DNAJB6: variants seen among roughly 807,000 people sequenced by gnomAD.
DNAJB6 encodes dnaJ homolog subfamily B member 6.
Under a neutral mutation model 42.7 loss-of-function variants are expected in DNAJB6, and 16 were observed. The observed-to-expected ratio is 0.37, with a 90% confidence interval of 0.25 to 0.57. DNAJB6 has a LOEUF of 0.57. Among genes scored for constraint, DNAJB6 ranks in the 20% least tolerant of loss-of-function variants. The pLI, the probability that DNAJB6 is intolerant of heterozygous loss-of-function variation, is 0.74. For synonymous variants in DNAJB6, 170 were observed against 163.5 expected (o/e 1.04, Z -0.30); for missense variants, 347 against 416.8 (o/e 0.83, Z 1.46).
In DNAJB6 at chr7:157,409,777, C is replaced by G; in HGVS notation, c.692-18C>G. On this transcript the variant is annotated intron_variant, in intron 8 of 9. Coordinates refer to ENST00000262177, the MANE Select transcript of DNAJB6 (RefSeq NM_058246.4). ...CCGCCGCTCACTCACGGCTCTCTCT[C>G]TCCCGCTGTGCCTGCAGGTGTGGCC... 1 of 1,515,968 alleles carries G rather than the reference C, an allele frequency of 6.6e-7. No homozygotes were observed. The highest frequency in any genetic ancestry group is 1.4e-5 in the African/African-American group (1 of 72,214). The allele number at this position is 1,515,968 out of a possible 1,614,324, so 93.9% of individuals were successfully genotyped here.
In DNAJB6 at chr7:157,382,320, T is replaced by G; in HGVS notation, c.421T>G (p.Phe141Val). Residue 141 changes from phenylalanine (F) to valine (V), a missense_variant, in exon 6 of 10, where the codon TTC becomes GTC. Physicochemically the swap from Phe to Val is conservative, Grantham distance 50. Coordinates refer to ENST00000262177, the MANE Select transcript of DNAJB6 (RefSeq NM_058246.4). ...GSRSRGTGSF[F>V]SAFSGFPSFG... is the part of the protein sequence containing the mutation. ...CAGAAGCCGAGGGACGGGGTCGTTT[T>G]TCTCTGCGTTCAGTGGATTTCCGTC... The G allele has an allele frequency of 6.2e-7, 1 of 1,612,250 alleles. No homozygotes were observed. Among genetic ancestry groups the G allele is most frequent in the Non-Finnish European group, 8.5e-7 (1 of 1,179,862 alleles).
intron 2 of DNAJB6, among the ~76,000 whole-genome samples, chr7:157,359,011 G>A (rs3802097): frequency 0.55 from 84,029 of 151,996 alleles, 23,550 homozygotes; most frequent in East Asian, 0.76. Context: ...GTTGGGCTCC[G>A]GCCTATGCCA....
intron 2 of DNAJB6, among the ~76,000 whole-genome samples, chr7:157,360,252 A>G (rs1407703252): frequency 6.6e-6 from 1 of 152,182 alleles, no homozygotes; most frequent in Non-Finnish European, 1.5e-5. Flanking sequence ...AATGAGGAAG[A>G]AGCAAAAGCG....
intron 8 of DNAJB6, among the ~76,000 whole-genome samples, chr7:157,394,229 C>A (rs1163848977): frequency 6.6e-6 from 1 of 152,100 alleles, no homozygotes; most frequent in African/African-American, 2.4e-5. Context: ...TATTTTCATT[C>A]AAAAATAACC....
At position 157,409,869 on chromosome 7, in the gene DNAJB6, G is replaced by C; in HGVS notation, c.766G>C (p.Gly256Arg). The C allele has an allele frequency of 1.3e-6, 2 of 1,533,324 alleles. No homozygotes were observed. The highest frequency in any genetic ancestry group is 1.7e-6 in the Non-Finnish European group (2 of 1,145,646). 95.0% of individuals were successfully genotyped at this position (1,533,324 alleles called of 1,614,324 possible). A position where few individuals can be genotyped will look rare whatever the true frequency, so the allele number is the denominator to read the frequency against. Residue 256 changes from glycine (G) to arginine (R), a missense_variant, in exon 9 of 10, where the codon GGC becomes CGC. Transcript: ENST00000262177. ...GAACGCCCTGCCAGCCCAGCCTGCC[G>C]GCCTCCGCCCGCCGAAGCCGCCCCG... ...GQNALPAQPA[G>R]LRPPKPPRPA...
intron 8 of DNAJB6, among the ~76,000 whole-genome samples, chr7:157,387,367 A>T (rs544220051): frequency 1.3e-5 from 2 of 152,194 alleles, no homozygotes; most frequent in Non-Finnish European, 2.9e-5. Flanking sequence ...CGTGCGGGAA[A>T]GCGGGACAGC....
intron 5 of DNAJB6, 23 bp from the exon 6 acceptor site, chr7:157,382,221 AGT>A: frequency 1.3e-6 from 2 of 1,561,916 alleles, no homozygotes; most frequent in Non-Finnish European, 1.7e-6. Context: ...AAGACTTCAT[AGT>A]GTGTGTTTAT....
chr7:157,403,162 A>G lies in DNAJB6; in HGVS notation c.692-6633A>G, dbSNP rs1478250921. The stretch of plus-strand genomic sequence containing the variant: ...ATAGGTGGATAAGACGAATCATTGC[A>G]TTCTATGAGTCTCTGATCAGCCTTT... On this transcript the variant is annotated intron_variant, in intron 8 of 9. Transcript: ENST00000262177. Among the ~76,000 whole-genome samples the G allele has an allele frequency of 3.9e-5, 6 of 152,316 alleles. No individual in the cohort carries two copies. The East Asian group carries it at 5.8e-4, about 15-fold the overall frequency.
chr7:157,353,862 CTG>C (rs993681367), intron 1 of DNAJB6, among the ~76,000 whole-genome samples: 1 of 151,978 alleles, frequency 6.6e-6, no homozygotes, highest in African/African-American at 2.4e-5. Flanking sequence ...AGAGTTCTCA[CTG>C]TGTTTCCCAG....
At chr7:157,370,019 G>A (rs375471143) in intron 5 of DNAJB6, among the ~76,000 whole-genome samples, 3 of 144,566 alleles carry the variant, frequency 2.1e-5, no homozygotes, top group East Asian at 2.0e-4. Flanking sequence ...TTATTAAAGA[G>A]GCCCTTTCTT....
intron 8 of DNAJB6, among the ~76,000 whole-genome samples, chr7:157,404,221 A>C (rs981736889): frequency 6.6e-6 from 1 of 150,876 alleles, no homozygotes; most frequent in African/African-American, 2.4e-5. Flanking sequence ...TTTAGCCTCC[A>C]CTTTAGCCTC....
chr7:157,358,491 C>A, intron 1 of DNAJB6, 56 bp from the exon 2 acceptor site: 2 of 1,159,838 alleles, frequency 1.7e-6, no homozygotes, highest in Non-Finnish European at 2.6e-6. Flanking sequence ...CATCCCACCA[C>A]CGTGATTTGC....
chr7:157,398,291 T>G (rs1454312861), intron 8 of DNAJB6, among the ~76,000 whole-genome samples: 1 of 152,226 alleles, frequency 6.6e-6, no homozygotes, highest in African/African-American at 2.4e-5. Flanking sequence ...GGGCCAGGCA[T>G]GCATTTTTGG....
intron 5 of DNAJB6, among the ~76,000 whole-genome samples, chr7:157,374,471 T>G (rs1031012489): frequency 1.3e-5 from 2 of 151,964 alleles, no homozygotes; most frequent in Non-Finnish European, 2.9e-5. Context: ...GTTGGTCAGG[T>G]TGGTCTCGAA....
intron 8 of DNAJB6, among the ~76,000 whole-genome samples, chr7:157,401,342 A>T (rs1382606854): frequency 6.6e-6 from 1 of 151,926 alleles, no homozygotes; most frequent in African/African-American, 2.4e-5. Flanking sequence ...CAGCCTCCCG[A>T]GTAGCTGGGA....
At chr7:157,407,472 A>G (rs965829362) in intron 8 of DNAJB6, among the ~76,000 whole-genome samples, 1 of 152,212 alleles carries the variant, frequency 6.6e-6, no homozygotes, top group African/African-American at 2.4e-5. Context: ...CTTAAAAGTC[A>G]TGGCGGAGTA....
At chr7:157,388,627 TC>T (rs373023361) in intron 8 of DNAJB6, among the ~76,000 whole-genome samples, 136 of 145,480 alleles carry the variant, frequency 9.3e-4, no homozygotes, top group African/African-American at 3.2e-3. Flanking sequence ...TAAAAATACT[TC>T]AATAGCTTTT....
At chr7:157,386,092 T>C (rs1050152529) in intron 8 of DNAJB6, 125 of 980,942 alleles carry the variant, frequency 1.3e-4, no homozygotes, top group South Asian at 3.8e-4. Flanking sequence ...GTGAAAGATA[T>C]TAATACATTA....
intron 1 of DNAJB6, among the ~76,000 whole-genome samples, chr7:157,355,327 A>AT (rs1352175958): frequency 6.6e-6 from 1 of 151,988 alleles, no homozygotes; most frequent in Non-Finnish European, 1.5e-5. Context: ...CTCTTGGCTA[A>AT]TTTTTTGTAT....
Sources: allele counts gnomAD v4.1 joint callset (sites outside exome capture counted in the v4.1 genomes callset), GRCh38; gene constraint gnomAD v4.1.1; transcripts MANE v1.5; gene names NCBI Gene and HGNC (gene_info 2026-07-23, HGNC 2026-07-21).